OS9: variants seen among roughly 807,000 people sequenced by gnomAD.
OS9 encodes the protein OS9 endoplasmic reticulum lectin.
Under a neutral mutation model 84.7 loss-of-function variants are expected in OS9, and 58 were observed. The ratio of observed to expected loss-of-function variants is 0.68; its 90% CI spans 0.55 to 0.85. The LOEUF (loss-of-function observed/expected upper bound fraction) is 0.85. Ranked by LOEUF, OS9 falls within the 40% of genes least tolerant of loss-of-function variation. The pLI, the probability that OS9 is intolerant of heterozygous loss-of-function variation, is 0.00. For missense variants in OS9, 760 were observed against 850.9 expected, an observed-to-expected ratio of 0.89 and a Z score of 1.33; for synonymous variants, 278 against 320.8, an observed-to-expected ratio of 0.87 and a Z score of 1.43.
chr12:57,714,419 T>G (rs1633361), intron 5 of OS9, among the ~76,000 whole-genome samples: 84,903 of 151,974 alleles, frequency 0.56, 24,110 homozygotes, highest in Middle Eastern at 0.7. Context: ...TGGTCAGGCT[T>G]GTCTCGAATT....
In OS9 at chr12:57,717,740, C is replaced by T. The variant is rs993232737; in HGVS notation, c.1046-130C>T. On this transcript the variant is annotated intron_variant, in intron 9 of 14. Transcript: ENST00000315970. ...CCCGGGAGGCAGAGGTTGCAGTGAG[C>T]AGAGATTGCACCACTGTGCTCCAGC... The T allele has an allele frequency of 6.5e-6, 4 of 613,882 alleles. No individual in the cohort carries two copies. The African/African-American group carries it at 6.7e-5, about 10-fold the overall frequency. 38.0% of individuals were successfully genotyped at this position (613,882 alleles called of 1,614,324 possible).
At chr12:57,716,287 G>GGGGGGGGGGGGGGGA in intron 7 of OS9, 94 bp downstream of exon 7, 1 of 745,066 alleles carries the variant, frequency 1.3e-6, no homozygotes, top group Non-Finnish European at 2.3e-6. Context: ...GGTGGGGGGG[G>GGGGGGGGGGGGGGGA]GTGGAAAAGT....
At chr12:57,720,564 G>A in intron 14 of OS9, 46 bp downstream of exon 14, 1 of 1,435,716 alleles carries the variant, frequency 7.0e-7, no homozygotes, top group African/African-American at 1.4e-5. Context: ...CCCTCCTGGA[G>A]TGGAGGTGCG....
chr12:57,698,238 T>C (rs1953923462), intron 5 of OS9, among the ~76,000 whole-genome samples: 1 of 152,102 alleles, frequency 6.6e-6, no homozygotes, highest in Non-Finnish European at 1.5e-5. Context: ...ACCCAGAAAA[T>C]TAGTTAGTTG....
In OS9 at chr12:57,720,993, C is replaced by G; in HGVS notation, c.*84C>G. On this transcript the variant is annotated 3_prime_UTR_variant, in exon 15 of 15. Coordinates refer to ENST00000315970, the MANE Select transcript of OS9 (RefSeq NM_006812.4). Reference sequence around the variant, plus strand: ...CCTCCCCACCTCCCCACCCTGGAACCCCTGAGGGCCAAACAGCAGAGTGGA... The same window carrying G: ...CCTCCCCACCTCCCCACCCTGGAACGCCTGAGGGCCAAACAGCAGAGTGGA... 6.7e-7 allele frequency: 1 copy of G among 1,501,772 alleles called. No homozygotes were observed. The highest frequency in any genetic ancestry group is 9.2e-7 in the Non-Finnish European group (1 of 1,085,706). The allele number at this position is 1,501,772 out of a possible 1,614,324, so 93.0% of individuals were successfully genotyped here. A position where few individuals can be genotyped will look rare whatever the true frequency, so the allele number is the denominator to read the frequency against.
At chr12:57,707,516 C>A (rs141451709) in intron 5 of OS9, among the ~76,000 whole-genome samples, 1 of 152,120 alleles carries the variant, frequency 6.6e-6, no homozygotes, top group Non-Finnish European at 1.5e-5. Context: ...CTCACTGTCA[C>A]GAGAAAGCAC....
At position 57,718,060 on chromosome 12, in the gene OS9, A is replaced by C. The variant is rs1413724605; in HGVS notation, c.1135-86A>C. The stretch of plus-strand genomic sequence containing the variant: ...CTCAACTCCTGGGTCCCCCAGTACC[A>C]CACACCTGCTACTGTTTGTCTGCCC... On this transcript the variant is annotated intron_variant, in intron 10 of 14. Coordinates refer to ENST00000315970, the MANE Select transcript of OS9 (RefSeq NM_006812.4). 3.2e-6 allele frequency: 5 copies of C among 1,539,648 alleles called. No individual in the cohort carries two copies. In the African/African-American group the frequency reaches 6.8e-5, roughly 21 times the overall value.
chr12:57,709,861 C>CT (rs34427214), intron 5 of OS9, among the ~76,000 whole-genome samples: 3,354 of 148,920 alleles, frequency 0.023, 120 homozygotes, highest in African/African-American at 0.076. Flanking sequence ...TTTGTTATTA[C>CT]TTTTTTTTTG....
In OS9 at chr12:57,721,454, A is replaced by G. The variant is rs1010540519; in HGVS notation, c.*545A>G. The G allele has an allele frequency of 6.5e-6, 1 of 155,010 alleles. No individual in the cohort carries two copies. The highest frequency in any genetic ancestry group is 2.4e-5 in the African/African-American group (1 of 41,446). The allele number at this position is 155,010 out of a possible 1,614,324, so 9.6% of individuals were successfully genotyped here. A position where few individuals can be genotyped will look rare whatever the true frequency, so the allele number is the denominator to read the frequency against. ...TCACCTCTGTTGCTGAGGAAATGGT[A>G]GAATGCTGCCTATCACCTCCAGCAC... On this transcript the variant is annotated 3_prime_UTR_variant, in exon 15 of 15. Coordinates refer to ENST00000315970, the MANE Select transcript of OS9 (RefSeq NM_006812.4).
chr12:57,708,571 TG>T (rs1316219340), intron 5 of OS9, among the ~76,000 whole-genome samples: 1 of 151,330 alleles, frequency 6.6e-6, no homozygotes, highest in East Asian at 1.9e-4. Context: ...AAGGTTGCAG[TG>T]AGCTATTGTC....
Position 57,716,285 on chromosome 12 carries a change from G to T in OS9, c.892+92G>T, listed in dbSNP as rs999122081. ...TCCTGACTGACTGGTGGGGTGGGGG[G>T]GGGTGGAAAAGTACCATGGGCCCTC... On this transcript the variant is annotated intron_variant, in intron 7 of 14. Coordinates refer to ENST00000315970, the MANE Select transcript of OS9 (RefSeq NM_006812.4). 2.4e-5 allele frequency: 18 copies of T among 760,232 alleles called. 1 individual carries two copies. The highest frequency in any genetic ancestry group is 5.9e-4 in the Middle Eastern group (2 of 3,412). 47.1% of individuals were successfully genotyped at this position (760,232 alleles called of 1,614,324 possible).
intron 9 of OS9, 93 bp downstream of exon 9, chr12:57,716,837 G>A: frequency 8.9e-7 from 1 of 1,128,798 alleles, no homozygotes. Context: ...GAGGGAGGTT[G>A]GGTAGCCAGG....
chr12:57,719,945 G>A (rs932399692), intron 12 of OS9, 154 bp from the exon 13 acceptor site: 21 of 684,386 alleles, frequency 3.1e-5, no homozygotes, highest in African/African-American at 3.0e-4. Flanking sequence ...TGGGAGGGGC[G>A]GGGCACACAT....
chr12:57,710,995 C>T (rs1954309243), intron 5 of OS9, among the ~76,000 whole-genome samples: 1 of 139,578 alleles, frequency 7.2e-6, no homozygotes. Context: ...GCCGAGATCA[C>T]ACCACTATGC....
Position 57,716,458 on chromosome 12 carries a change from G to A in OS9, c.939G>A (p.Lys313=). Residue 313 remains lysine, a synonymous_variant, in exon 8 of 15, where the codon AAG becomes AAA. Transcript: ENST00000315970. Reference sequence around the variant, plus strand: ...ACAGTAAGGACTCAGATTTCTGGAAGATGCTTAATGAGCCAGAGGACCAGG... The same window carrying A: ...ACAGTAAGGACTCAGATTTCTGGAAAATGCTTAATGAGCCAGAGGACCAGG... The part of the protein sequence containing the change: ...KDDSKDSDFW[K]MLNEPEDQAP... 6.4e-7 allele frequency: 1 copy of A among 1,570,882 alleles called. No individual in the cohort carries two copies. The highest frequency in any genetic ancestry group is 8.6e-7 in the Non-Finnish European group (1 of 1,157,150).
chr12:57,708,411 C>T (rs1242956988), intron 5 of OS9, among the ~76,000 whole-genome samples: 2 of 151,960 alleles, frequency 1.3e-5, no homozygotes, highest in Admixed American at 6.6e-5. Flanking sequence ...GCAGGAGGAT[C>T]GCTTGAGGCC....
chr12:57,717,627 T>C (rs1954537876), intron 9 of OS9, among the ~76,000 whole-genome samples: 1 of 151,532 alleles, frequency 6.6e-6, no homozygotes, highest in African/African-American at 2.4e-5. Flanking sequence ...ACCCCATCTC[T>C]ACTAAAAATA....
At chr12:57,694,685 C>A in intron 1 of OS9, 65 bp from the exon 2 acceptor site, 1 of 1,508,886 alleles carries the variant, frequency 6.6e-7, no homozygotes, top group Non-Finnish European at 9.2e-7. Context: ...AGAGGGATTT[C>A]GTTGTTCTCC....
Position 57,695,027 on chromosome 12 carries a change from G to T in OS9, c.339+101G>T, listed in dbSNP as rs373575587. ...AGGCAGGATCTAGGGGACCTGTAGT[G>T]GTTAAGAAGACCACTGGAGGAGTAG... On this transcript the variant is annotated intron_variant, in intron 2 of 14. Coordinates refer to ENST00000315970, the MANE Select transcript of OS9 (RefSeq NM_006812.4). The T allele has an allele frequency of 2.6e-3, 2,696 of 1,026,344 alleles. 5 individuals are homozygous for T. The highest frequency in any genetic ancestry group is 3.4e-3 in the Non-Finnish European group (2,279 of 669,624). 63.6% of individuals were successfully genotyped at this position (1,026,344 alleles called of 1,614,324 possible). A position where few individuals can be genotyped will look rare whatever the true frequency, so the allele number is the denominator to read the frequency against.
Sources: gnomAD v4.1 joint callset for allele counts (sites outside exome capture counted in the v4.1 genomes callset) on GRCh38, gnomAD v4.1.1 for gene constraint, MANE v1.5 for transcripts, NCBI Gene and HGNC (gene_info 2026-07-23, HGNC 2026-07-21) for gene names.